The following KCTD3 variants were observed in gnomAD, a reference collection of about 807,000 sequenced individuals.
KCTD3 encodes the protein potassium channel tetramerization domain containing 3.
KCTD3 carries 41 observed loss-of-function variants against 85.8 expected under a neutral mutation model. The observed-to-expected ratio is 0.48, with a 90% CI of 0.37 to 0.62. The LOEUF (loss-of-function observed/expected upper bound fraction) is 0.62, where lower values mean the gene tolerates loss of function less well. Ranked by LOEUF, KCTD3 falls within the 20% of genes least tolerant of loss-of-function variation. KCTD3 has a pLI of 0.00. For synonymous variants in KCTD3, 338 were observed against 345.4 expected, an observed-to-expected ratio of 0.98 and a Z score of 0.24; for missense variants, 724 against 989.9, an observed-to-expected ratio of 0.73 and a Z score of 3.60.
intron 10 of KCTD3, among the ~76,000 whole-genome samples, chr1:215,599,352 C>A (rs948060013): frequency 1.3e-5 from 2 of 151,844 alleles, no homozygotes; most frequent in African/African-American, 4.8e-5. Context: ...AAGTAATGGA[C>A]GAAGGTTAAA....
chr1:215,611,016 T>G (rs909145549), intron 14 of KCTD3, among the ~76,000 whole-genome samples: 1 of 152,010 alleles, frequency 6.6e-6, no homozygotes, highest in Non-Finnish European at 1.5e-5. Context: ...TTTTTATGAA[T>G]TGTAAGTTGA....
chr1:215,576,068 T>C (rs1659564153), intron 4 of KCTD3, 94 bp downstream of exon 4: 2 of 755,396 alleles, frequency 2.6e-6, no homozygotes, highest in East Asian at 5.8e-5. Context: ...TGTTTGTTTT[T>C]TTTTTTCCTT....
intron 10 of KCTD3, among the ~76,000 whole-genome samples, chr1:215,596,668 G>A (rs1009774558): frequency 1.2e-4 from 18 of 152,152 alleles, no homozygotes; most frequent in African/African-American, 3.6e-4. Flanking sequence ...AGAGAAGAGA[G>A]ACAGCAAATT....
rs545272354 is a variant in KCTD3 at position 215,584,344 on chromosome 1, T to C, written c.627-2151T>C. Among the ~76,000 whole-genome samples, 2 of 152,378 alleles carry C rather than the reference T, an allele frequency of 1.3e-5. 1 individual carries two copies. The highest frequency in any genetic ancestry group is 4.1e-4 in the South Asian group (2 of 4,830). On this transcript the variant is annotated intron_variant, in intron 8 of 17. Transcript: ENST00000259154. ...ACTGATTTGTTTGCAAAATAAGCTT[T>C]AGTCTTATTATACTTGGCCTGATTA... is the stretch of plus-strand genomic sequence containing the variant.
chr1:215,618,096 G>A, intron 15 of KCTD3: 1 of 467,380 alleles, frequency 2.1e-6, no homozygotes, highest in Middle Eastern at 3.3e-4. Context: ...AGTCTGTGTG[G>A]TGTCAGTTTG....
At chr1:215,586,723 T>G in intron 9 of KCTD3, 38 bp downstream of exon 9, 1 of 1,540,382 alleles carries the variant, frequency 6.5e-7, no homozygotes, top group Admixed American at 1.8e-5. Context: ...TTTGATGATA[T>G]TAATATTTTG....
Position 215,620,836 on chromosome 1 carries a change from T to A in KCTD3, c.*218T>A. 1 of 474,728 alleles carries A rather than the reference T, an allele frequency of 2.1e-6. No individual in the cohort carries two copies. The highest frequency in any genetic ancestry group is 3.7e-6 in the Non-Finnish European group (1 of 272,442). The allele number at this position is 474,728 out of a possible 1,614,324, so 29.4% of individuals were successfully genotyped here. The stretch of plus-strand genomic sequence containing the variant: ...TAATTTTACAAGTACATTTAACAGA[T>A]CATTTATAAAGCAGGAGTCCATTTT... On this transcript the variant is annotated 3_prime_UTR_variant, in exon 18 of 18. Transcript: ENST00000259154.
intron 14 of KCTD3, 65 bp from the exon 15 acceptor site, chr1:215,611,760 C>A (rs1655242735): frequency 9.3e-7 from 1 of 1,075,324 alleles, no homozygotes; most frequent in Admixed American, 2.1e-5. Flanking sequence ...ATTAATGTTC[C>A]TTTTGTAAAA....
At chr1:215,596,894 A>G (rs1047498052) in intron 10 of KCTD3, among the ~76,000 whole-genome samples, 6 of 152,194 alleles carry the variant, frequency 3.9e-5, no homozygotes, top group African/African-American at 1.4e-4. Flanking sequence ...AAAAGTCAAG[A>G]GTGTATATGG....
At chr1:215,568,733 A>G (rs1377393608) in intron 1 of KCTD3, among the ~76,000 whole-genome samples, 1 of 152,162 alleles carries the variant, frequency 6.6e-6, no homozygotes, top group Non-Finnish European at 1.5e-5. Context: ...AAAGTATTTT[A>G]ATGTCTTAGA....
intron 15 of KCTD3, among the ~76,000 whole-genome samples, chr1:215,617,537 G>T (rs1655499433): frequency 6.6e-6 from 1 of 151,930 alleles, no homozygotes; most frequent in Admixed American, 6.6e-5. Flanking sequence ...TTGCCAAGGA[G>T]TGAAGGACAT....
At chr1:215,583,019 C>G (rs1659883622) in intron 8 of KCTD3, among the ~76,000 whole-genome samples, 1 of 151,964 alleles carries the variant, frequency 6.6e-6, no homozygotes, top group Middle Eastern at 3.5e-3. Flanking sequence ...TGTCCTGATT[C>G]TTTTATCCTT....
At chr1:215,581,018 T>C (rs1348335869) in intron 8 of KCTD3, 1 of 452,560 alleles carries the variant, frequency 2.2e-6, no homozygotes, top group Non-Finnish European at 4.5e-6. Flanking sequence ...TCCCAGCACT[T>C]TGGGAGGCCG....
chr1:215,583,067 A>G (rs1488694779), intron 8 of KCTD3, among the ~76,000 whole-genome samples: 2 of 152,186 alleles, frequency 1.3e-5, no homozygotes, highest in East Asian at 3.9e-4. Flanking sequence ...CCTAATTACT[A>G]TAGAGAAAAA....
chr1:215,579,463 T>C (rs1659716993), intron 7 of KCTD3, among the ~76,000 whole-genome samples: 1 of 152,078 alleles, frequency 6.6e-6, no homozygotes, highest in Admixed American at 6.6e-5. Flanking sequence ...ATGGACAATA[T>C]GTAACAAGTA....
intron 9 of KCTD3, among the ~76,000 whole-genome samples, chr1:215,595,067 T>C (rs1660365712): frequency 6.6e-6 from 1 of 152,220 alleles, no homozygotes; most frequent in Non-Finnish European, 1.5e-5. Context: ...ATTTTAAATC[T>C]ATCAATCAGG....
chr1:215,585,165 T>G (rs1023192528), intron 8 of KCTD3, among the ~76,000 whole-genome samples: 2 of 152,136 alleles, frequency 1.3e-5, no homozygotes, highest in African/African-American at 4.8e-5. Flanking sequence ...GCAAGTTCAT[T>G]AAGAAAGTAA....
intron 1 of KCTD3, among the ~76,000 whole-genome samples, chr1:215,569,934 G>A (rs559189553): frequency 9.9e-5 from 15 of 152,108 alleles, no homozygotes; most frequent in Non-Finnish European, 1.3e-4. Flanking sequence ...AGTAGTAATG[G>A]TATGGCCCGT....
At chr1:215,605,415 A>G (rs1171672366) in intron 13 of KCTD3, among the ~76,000 whole-genome samples, 1 of 152,074 alleles carries the variant, frequency 6.6e-6, no homozygotes, top group Non-Finnish European at 1.5e-5. Context: ...AGGAGTTTCT[A>G]ACTCTTGCTG....
Sources: allele counts gnomAD v4.1 joint callset (sites outside exome capture counted in the v4.1 genomes callset), GRCh38; gene constraint gnomAD v4.1.1; transcripts MANE v1.5; gene names NCBI Gene and HGNC (gene_info 2026-07-23, HGNC 2026-07-21).